Variants in LRRC8D observed in about 807,000 individuals in gnomAD.
The protein encoded by LRRC8D is leucine rich repeat containing 8 VRAC subunit D, also known as volume-regulated anion channel subunit LRRC8D.
A neutral mutation model predicts 55.8 loss-of-function variants in LRRC8D; 20 were observed. That is an observed-to-expected ratio of 0.36 (90% CI 0.25 to 0.52). The LOEUF (loss-of-function observed/expected upper bound fraction) is 0.52. LRRC8D is among the 20% of genes least tolerant of loss of function. The probability of loss-of-function intolerance (pLI) is 0.93; values close to 1 mark genes in which losing one functional copy is unlikely to be tolerated. For synonymous variants in LRRC8D, 352 were observed against 377.0 expected (o/e 0.93, Z 0.77); for missense variants, 651 against 1,030.8 (o/e 0.63, Z 5.05).
chr1:89,842,645 CTG>C (rs34585512), intron 1 of LRRC8D, among the ~76,000 whole-genome samples: 28,300 of 152,166 alleles, frequency 0.19, 3,144 homozygotes, highest in Non-Finnish European at 0.26. Flanking sequence ...ACCTGGTAGA[CTG>C]TGCATGTAAG....
intron 2 of LRRC8D, among the ~76,000 whole-genome samples, chr1:89,925,437 C>T (rs990329873): frequency 1.3e-5 from 2 of 152,272 alleles, no homozygotes; most frequent in Non-Finnish European, 2.9e-5. Context: ...AACCATCCCC[C>T]TCCCCCGTCC....
rs541207582 is a variant in LRRC8D at position 89,832,194 on chromosome 1, G to A, written c.-148+10903G>A. Among the ~76,000 whole-genome samples the A allele has an allele frequency of 3.2e-4, 49 of 152,286 alleles. 2 individuals carry two copies. In the South Asian group the frequency reaches 8.7e-3, roughly 27 times the overall value. ...GCTTTTCTGGGGAAAATCTAACATC[G>A]TTTGTGTAATTTGTTGTACATACAC... On this transcript the variant is annotated intron_variant, in intron 1 of 2. Coordinates refer to ENST00000337338, the MANE Select transcript of LRRC8D (RefSeq NM_001134479.2).
At chr1:89,834,193 C>CT (rs1311689114) in intron 1 of LRRC8D, among the ~76,000 whole-genome samples, 1 of 152,300 alleles carries the variant, frequency 6.6e-6, no homozygotes, top group Non-Finnish European at 1.5e-5. Flanking sequence ...GGAGAAAGGA[C>CT]TTTAAGAAAT....
chr1:89,853,434 C>T (rs552768666), intron 2 of LRRC8D, among the ~76,000 whole-genome samples: 11 of 152,224 alleles, frequency 7.2e-5, no homozygotes, highest in South Asian at 2.1e-4. Flanking sequence ...CCATGAATGT[C>T]GTTGAAACTC....
intron 2 of LRRC8D, among the ~76,000 whole-genome samples, chr1:89,860,094 T>C (rs756231264): frequency 2.6e-5 from 4 of 152,238 alleles, no homozygotes; most frequent in African/African-American, 4.8e-5. Flanking sequence ...TTTGTTTGAC[T>C]TGAAGGTCAC....
intron 1 of LRRC8D, among the ~76,000 whole-genome samples, chr1:89,832,051 C>T (rs938808847): frequency 6.6e-5 from 10 of 152,096 alleles, no homozygotes; most frequent in African/African-American, 9.7e-5. Context: ...GGCACACTGC[C>T]GGGAGGATAT....
chr1:89,846,974 C>T, intron 2 of LRRC8D, among the ~76,000 whole-genome samples: 1 of 152,164 alleles, frequency 6.6e-6, no homozygotes, highest in South Asian at 2.1e-4. Context: ...ACTACTGCTG[C>T]CACTGTGCGC....
chr1:89,879,229 A>C (rs7532857), intron 2 of LRRC8D, among the ~76,000 whole-genome samples: 4,795 of 152,312 alleles, frequency 0.031, 261 homozygotes, highest in African/African-American at 0.11. Context: ...TATAAATTCA[A>C]TGTCTGTTCT....
At chr1:89,838,840 T>C (rs1007858496) in intron 1 of LRRC8D, among the ~76,000 whole-genome samples, 6 of 152,224 alleles carry the variant, frequency 3.9e-5, no homozygotes, top group Non-Finnish European at 7.3e-5. Context: ...CAGCTGCAGC[T>C]CAAGTGCATA....
intron 2 of LRRC8D, among the ~76,000 whole-genome samples, chr1:89,855,442 C>T (rs546881264): frequency 6.6e-6 from 1 of 152,310 alleles, no homozygotes; most frequent in South Asian, 2.1e-4. Context: ...ATTTAACAAG[C>T]CTAAGCAGGT....
chr1:89,868,834 C>T (rs1661920473), intron 2 of LRRC8D, among the ~76,000 whole-genome samples: 1 of 152,138 alleles, frequency 6.6e-6, no homozygotes, highest in East Asian at 1.9e-4. Flanking sequence ...TTTTAGTCTG[C>T]TGCAGTAATT....
At chr1:89,924,934 G>T (rs1663519150) in intron 2 of LRRC8D, among the ~76,000 whole-genome samples, 1 of 152,138 alleles carries the variant, frequency 6.6e-6, no homozygotes, top group Admixed American at 6.5e-5. Context: ...AGAAAGGAGG[G>T]GAGTTGGGTT....
intron 2 of LRRC8D, among the ~76,000 whole-genome samples, chr1:89,888,396 T>G (rs532170104): frequency 6.6e-6 from 1 of 152,356 alleles, no homozygotes; most frequent in South Asian, 2.1e-4. Context: ...AGGGAAATGA[T>G]CCATGTGGTA....
At chr1:89,828,517 G>T (rs1455789307) in intron 1 of LRRC8D, among the ~76,000 whole-genome samples, 1 of 152,136 alleles carries the variant, frequency 6.6e-6, no homozygotes, top group Non-Finnish European at 1.5e-5. Context: ...AGGTTGGCTT[G>T]TTTTTTCATT....
intron 2 of LRRC8D, among the ~76,000 whole-genome samples, chr1:89,866,270 T>G (rs768263613): frequency 6.6e-6 from 1 of 152,256 alleles, no homozygotes; most frequent in Admixed American, 6.5e-5. Flanking sequence ...CCGTGTGTGC[T>G]TATCAGCACC....
intron 2 of LRRC8D, among the ~76,000 whole-genome samples, chr1:89,925,772 G>C (rs1429400755): frequency 6.6e-6 from 1 of 152,216 alleles, no homozygotes; most frequent in Non-Finnish European, 1.5e-5. Flanking sequence ...AAGGGCATAT[G>C]TCATTATCCC....
rs768374117 is a variant in LRRC8D, at chr1:89,934,756, G to A, written c.1688G>A (p.Arg563Gln). 1.4e-5 allele frequency: 23 copies of A among 1,613,938 alleles called. No individual in the cohort carries two copies. The highest frequency in any genetic ancestry group is 2.2e-5 in the East Asian group (1 of 44,894). The part of the protein sequence containing the change: ...PAWVYLLKNL[R>Q]ELYLIGNLNS... ...TGGGTGTATTTGCTCAAAAACCTTCGAGAGTTGTACTTAATAGGCAATTTG... is the reference window on the plus strand; with the variant it reads ...TGGGTGTATTTGCTCAAAAACCTTCAAGAGTTGTACTTAATAGGCAATTTG... Residue 563 changes from arginine to glutamine, a missense_variant, in exon 3 of 3, where the codon CGA becomes CAA. By Grantham distance (43) the Arg-to-Gln change is conservative. Around this residue, in one of 5 missense-constraint regions of LRRC8D, gnomAD observed 338 missense variants for 479.4 expected, o/e 0.71. Coordinates refer to ENST00000337338, the MANE Select transcript of LRRC8D (RefSeq NM_001134479.2). The surrounding 1 kb of genome is among the most constrained non-coding windows in gnomAD (Gnocchi z 5.9).
intron 2 of LRRC8D, among the ~76,000 whole-genome samples, chr1:89,921,334 A>G (rs768905992): frequency 3.9e-5 from 6 of 152,120 alleles, no homozygotes; most frequent in Non-Finnish European, 8.8e-5. Flanking sequence ...GTGAGACCCT[A>G]TTTCAAAAAA....
chr1:89,862,982 G>A (rs1480250361), intron 2 of LRRC8D, among the ~76,000 whole-genome samples: 3 of 152,066 alleles, frequency 2.0e-5, no homozygotes, highest in Admixed American at 2.0e-4. Context: ...TTAGTTCTTT[G>A]TTATTATAAA....
Sources: allele counts gnomAD v4.1 joint callset (sites outside exome capture counted in the v4.1 genomes callset), GRCh38; gene constraint gnomAD v4.1.1; regional missense constraint gnomAD v4.1.1; non-coding constraint Gnocchi (gnomAD v3.1); transcripts MANE v1.5; gene names NCBI Gene and HGNC (gene_info 2026-07-23, HGNC 2026-07-21).